Variants in MAN1A2 observed in about 807,000 individuals in gnomAD.
MAN1A2 encodes mannosidase alpha class 1A member 2, also known as mannosyl-oligosaccharide 1,2-alpha-mannosidase IB.
MAN1A2 carries 26 observed loss-of-function variants against 75.7 expected under a neutral mutation model. That is an observed-to-expected ratio of 0.34 (90% confidence interval 0.25 to 0.48). The LOEUF (loss-of-function observed/expected upper bound fraction) is 0.48. Among genes scored for constraint, MAN1A2 ranks in the 20% least tolerant of loss-of-function variants. The pLI is 0.99. For synonymous variants in MAN1A2, 247 were observed against 264.6 expected, an observed-to-expected ratio of 0.93 and a Z score of 0.65; for missense variants, 562 against 775.5, an observed-to-expected ratio of 0.72 and a Z score of 3.27.
chr1:117,388,345 G>A (rs1303334617), intron 1 of MAN1A2, among the ~76,000 whole-genome samples: 2 of 152,128 alleles, frequency 1.3e-5, no homozygotes, highest in Admixed American at 6.5e-5. Flanking sequence ...AGGCAGGGGA[G>A]ACATGGTAAA....
chr1:117,393,802 G>A (rs1444431872), intron 1 of MAN1A2, among the ~76,000 whole-genome samples: 3 of 152,062 alleles, frequency 2.0e-5, no homozygotes, highest in African/African-American at 2.4e-5. Flanking sequence ...GACCTTATTC[G>A]GAAGAAGATG....
At chr1:117,513,503 T>C (rs1387360912) in intron 12 of MAN1A2, among the ~76,000 whole-genome samples, 2 of 152,132 alleles carry the variant, frequency 1.3e-5, no homozygotes, top group Non-Finnish European at 2.9e-5. Flanking sequence ...GTTAATCATG[T>C]GTTTTTGAAA....
chr1:117,416,348 T>C (rs1467055500), intron 4 of MAN1A2, among the ~76,000 whole-genome samples: 2 of 152,200 alleles, frequency 1.3e-5, no homozygotes, highest in Non-Finnish European at 2.9e-5. Flanking sequence ...TGTTGGTATC[T>C]GATCTTGTTC....
intron 1 of MAN1A2, among the ~76,000 whole-genome samples, chr1:117,401,404 T>C (rs1647422243): frequency 6.6e-6 from 1 of 152,150 alleles, no homozygotes; most frequent in African/African-American, 2.4e-5. Flanking sequence ...AGAGTAGTCA[T>C]CGTTGGTTGA....
chr1:117,392,489 T>C (rs1653755582), intron 1 of MAN1A2, among the ~76,000 whole-genome samples: 1 of 152,196 alleles, frequency 6.6e-6, no homozygotes, highest in African/African-American at 2.4e-5. Context: ...TGGTATTTAT[T>C]TTCTCTTTCA....
chr1:117,405,999 G>A (rs1175269483), intron 3 of MAN1A2, among the ~76,000 whole-genome samples: 1 of 152,078 alleles, frequency 6.6e-6, no homozygotes, highest in East Asian at 1.9e-4. Context: ...AGGAAGAGGG[G>A]AGGGATAGGA....
chr1:117,465,065 G>C (rs941695887), intron 7 of MAN1A2, among the ~76,000 whole-genome samples: 10 of 152,030 alleles, frequency 6.6e-5, no homozygotes, highest in Admixed American at 6.6e-4. Flanking sequence ...TATAAACAGA[G>C]ATACAAGAGC....
intron 12 of MAN1A2, among the ~76,000 whole-genome samples, chr1:117,521,020 T>TA (rs1651854660): frequency 1.3e-5 from 2 of 152,076 alleles, no homozygotes; most frequent in African/African-American, 4.8e-5. Flanking sequence ...GCCAAATAGT[T>TA]ACAGCCAACT....
chr1:117,387,473 T>C (rs1774853), intron 1 of MAN1A2, among the ~76,000 whole-genome samples: 55,678 of 152,072 alleles, frequency 0.37, 10,803 homozygotes, highest in Middle Eastern at 0.46. Flanking sequence ...TCTGTGAGGA[T>C]AAACCGCATA....
At chr1:117,376,222 A>G (rs1021102716) in intron 1 of MAN1A2, among the ~76,000 whole-genome samples, 2 of 152,064 alleles carry the variant, frequency 1.3e-5, no homozygotes, top group African/African-American at 2.4e-5. Flanking sequence ...TAATTTATGT[A>G]TTTCTAATAT....
rs1019761137 is a variant in MAN1A2 at position 117,523,938 on chromosome 1, A to G, written c.*981A>G. 6.6e-6 allele frequency: 1 copy of G among 152,238 alleles called. No homozygotes were observed. Among genetic ancestry groups the G allele is most frequent in the Non-Finnish European group, 1.5e-5 (1 of 67,834 alleles). The allele number at this position is 152,238 out of a possible 1,614,324, so 9.4% of individuals were successfully genotyped here. ...TTTATGTGGCTTGGCAAAAATCACT[A>G]TAAGGCAGCTCTAAATTTGCCTTGA... On this transcript the variant is annotated 3_prime_UTR_variant, in exon 13 of 13. Transcript: ENST00000356554.
At chr1:117,497,081 T>A in intron 10 of MAN1A2, 99 bp downstream of exon 10, 1 of 871,754 alleles carries the variant, frequency 1.1e-6, no homozygotes, top group Non-Finnish European at 1.7e-6. Flanking sequence ...ACTTTTTACT[T>A]CCAAATAGTT....
At chr1:117,472,492 G>A (rs1317330588) in intron 8 of MAN1A2, among the ~76,000 whole-genome samples, 1 of 152,004 alleles carries the variant, frequency 6.6e-6, no homozygotes, top group Non-Finnish European at 1.5e-5. Context: ...AGTAGACAGT[G>A]TCCCTAATAC....
At chr1:117,391,751 C>T (rs1653726759) in intron 1 of MAN1A2, among the ~76,000 whole-genome samples, 1 of 152,156 alleles carries the variant, frequency 6.6e-6, no homozygotes, top group Admixed American at 6.5e-5. Flanking sequence ...TTAAACTTAA[C>T]AGGTCTAAAA....
At chr1:117,412,892 A>G (rs1302727850) in intron 3 of MAN1A2, among the ~76,000 whole-genome samples, 1 of 151,894 alleles carries the variant, frequency 6.6e-6, no homozygotes, top group Non-Finnish European at 1.5e-5. Flanking sequence ...ACTCCAGAAT[A>G]GTCAATACCT....
At chr1:117,488,184 T>C (rs779641057) in intron 8 of MAN1A2, among the ~76,000 whole-genome samples, 3 of 151,656 alleles carry the variant, frequency 2.0e-5, no homozygotes, top group Non-Finnish European at 2.9e-5. Context: ...AAATAAAGAA[T>C]ATCATTAATC....
intron 6 of MAN1A2, among the ~76,000 whole-genome samples, chr1:117,458,912 T>C (rs1649719907): frequency 6.6e-6 from 1 of 152,154 alleles, no homozygotes; most frequent in Admixed American, 6.6e-5. Context: ...CCAGGAACTC[T>C]GCTGCTTGAA....
chr1:117,496,810 T>G lies in MAN1A2; in HGVS notation c.1332T>G (p.Phe444Leu). The G allele has an allele frequency of 6.2e-7, 1 of 1,612,638 alleles. No individual in the cohort carries two copies. Among genetic ancestry groups the G allele is most frequent in the Non-Finnish European group, 8.5e-7 (1 of 1,179,120 alleles). The change falls in exon 10 of 13, where the codon TTT becomes TTG. Residue 444 changes from phenylalanine (F) to leucine (L), a missense_variant. Phe to Leu is a conservative substitution (Grantham distance 22, BLOSUM62 0). Around this residue, in one of 2 missense-constraint regions of MAN1A2, gnomAD observed 434 missense variants for 645.7 expected, o/e 0.67. Coordinates refer to ENST00000356554, the MANE Select transcript of MAN1A2 (RefSeq NM_006699.5). The stretch of plus-strand genomic sequence containing the variant: ...AGAAGTCTCGTGGAGGTCTTACCTT[T>G]ATTGGAGAATGGAAGAATGGGCACT... ...LIKKSRGGLT[F>L]IGEWKNGHLE...
chr1:117,512,750 TACACACACACACACACAC>T (rs3050979), intron 12 of MAN1A2, among the ~76,000 whole-genome samples: 6 of 143,766 alleles, frequency 4.2e-5, no homozygotes, highest in African/African-American at 1.6e-4. Flanking sequence ...GGCACTGGGA[TACACACACACACACACAC>T]ACACACACAC....
Sources: gnomAD v4.1 joint callset for allele counts (sites outside exome capture counted in the v4.1 genomes callset) on GRCh38, gnomAD v4.1.1 for gene constraint, gnomAD v4.1.1 regional missense constraint, MANE v1.5 for transcripts, NCBI Gene and HGNC (gene_info 2026-07-23, HGNC 2026-07-21) for gene names.